Variants in STK38L observed in about 807,000 individuals in gnomAD.
STK38L encodes the protein serine/threonine-protein kinase 38-like.
In STK38L, 28 loss-of-function variants were observed where a neutral mutation model predicts 59.7. The observed-to-expected ratio is 0.47, with a 90% CI of 0.35 to 0.64. The LOEUF (loss-of-function observed/expected upper bound fraction) is 0.64. Among genes scored for constraint, STK38L ranks in the 30% least tolerant of loss-of-function variants. The pLI, the probability that STK38L is intolerant of heterozygous loss-of-function variation, is 0.01. For synonymous variants in STK38L, 162 were observed against 176.8 expected (o/e 0.92, Z 0.66); for missense variants, 314 against 555.8 (o/e 0.56, Z 4.37).
intron 12 of STK38L, among the ~76,000 whole-genome samples, chr12:27,320,837 A>C (rs1222809296): frequency 6.8e-6 from 1 of 146,424 alleles, no homozygotes; most frequent in Non-Finnish European, 1.5e-5. Context: ...GCTGGAGTGC[A>C]GTGGCGTGAT....
chr12:27,258,242 G>A (rs1291376362), intron 1 of STK38L, among the ~76,000 whole-genome samples: 5 of 152,162 alleles, frequency 3.3e-5, no homozygotes, highest in East Asian at 3.9e-4. Context: ...ACAGGATTTC[G>A]TTATATTGCC....
chr12:27,254,676 G>T (rs1373337732), intron 1 of STK38L, among the ~76,000 whole-genome samples: 1 of 152,156 alleles, frequency 6.6e-6, no homozygotes, highest in Non-Finnish European at 1.5e-5. Context: ...GCCAGCGGTT[G>T]GCAGCTGTTT....
chr12:27,309,217 T>G lies in STK38L; in HGVS notation c.393+20T>G, dbSNP rs1397286942. 3 of 1,561,678 alleles carry G rather than the reference T, an allele frequency of 1.9e-6. No homozygotes were observed. The highest frequency in any genetic ancestry group is 2.6e-6 in the Non-Finnish European group (3 of 1,147,578). ...GAGCAGGTATGAGTTCTTTAACACA[T>G]GTAATATAAAGGAGCATCCACTGAC... On this transcript the variant is annotated intron_variant, in intron 5 of 13. Transcript: ENST00000389032.
intron 1 of STK38L, among the ~76,000 whole-genome samples, chr12:27,277,104 A>T (rs543195818): frequency 1.3e-5 from 2 of 152,210 alleles, no homozygotes; most frequent in Non-Finnish European, 2.9e-5. Context: ...ATACAAAGCT[A>T]TAAAGTATGA....
intron 3 of STK38L, among the ~76,000 whole-genome samples, chr12:27,303,423 A>AGCTT (rs1394847848): frequency 6.6e-6 from 1 of 152,076 alleles, no homozygotes; most frequent in East Asian, 1.9e-4. Flanking sequence ...TAACCTCTCA[A>AGCTT]GGTACCTTCT....
At chr12:27,247,797 T>C (rs1452223579) in intron 1 of STK38L, among the ~76,000 whole-genome samples, 1 of 151,028 alleles carries the variant, frequency 6.6e-6, no homozygotes, top group Non-Finnish European at 1.5e-5. Context: ...AGCCACTGTG[T>C]TTGGCTTTGT....
chr12:27,295,148 GTTTA>G (rs1943985915), intron 1 of STK38L, among the ~76,000 whole-genome samples: 1 of 152,120 alleles, frequency 6.6e-6, no homozygotes, highest in Non-Finnish European at 1.5e-5. Context: ...TAATTCTTGA[GTTTA>G]TTTTTCATTA....
chr12:27,299,963 C>A (rs1428541868), intron 2 of STK38L, among the ~76,000 whole-genome samples: 1 of 152,000 alleles, frequency 6.6e-6, no homozygotes, highest in African/African-American at 2.4e-5. Context: ...AGTGATCAGA[C>A]CATCCTGGGA....
At chr12:27,275,682 C>T (rs974323510) in intron 1 of STK38L, among the ~76,000 whole-genome samples, 2 of 152,128 alleles carry the variant, frequency 1.3e-5, no homozygotes, top group African/African-American at 4.8e-5. Flanking sequence ...TGTCACTTAA[C>T]TTTGAATTCT....
chr12:27,289,164 CA>C (rs1318105836), intron 1 of STK38L, among the ~76,000 whole-genome samples: 2 of 152,004 alleles, frequency 1.3e-5, no homozygotes, highest in Admixed American at 6.6e-5. Flanking sequence ...AGCAATAGAA[CA>C]ATTAAATTTT....
intron 1 of STK38L, among the ~76,000 whole-genome samples, chr12:27,277,580 C>T (rs559889250): frequency 1.4e-3 from 219 of 152,226 alleles, no homozygotes; most frequent in Non-Finnish European, 2.9e-3. Context: ...GTAATGTTTT[C>T]TGGAATGACA....
chr12:27,267,971 T>C (rs1394097126), intron 1 of STK38L, among the ~76,000 whole-genome samples: 1 of 152,250 alleles, frequency 6.6e-6, no homozygotes, highest in Admixed American at 6.5e-5. Context: ...TCAAGATGCA[T>C]GTATATTGTT....
chr12:27,281,793 G>C (rs143898658), intron 1 of STK38L, among the ~76,000 whole-genome samples: 420 of 152,270 alleles, frequency 2.8e-3, no homozygotes, highest in Middle Eastern at 6.8e-3. Flanking sequence ...CCAGCACTTT[G>C]GGAGGCCGAG....
intron 1 of STK38L, among the ~76,000 whole-genome samples, chr12:27,262,709 T>TA (rs11350734): frequency 0.048 from 6,426 of 132,970 alleles, 467 homozygotes; most frequent in East Asian, 0.39. Flanking sequence ...TATCTCTAAT[T>TA]AAAAAAAAAA....
chr12:27,317,479 C>A, intron 10 of STK38L, 26 bp downstream of exon 10: 1 of 1,502,702 alleles, frequency 6.7e-7, no homozygotes. Flanking sequence ...CATTTATGTA[C>A]AAAATATATA....
chr12:27,260,146 CTT>C (rs1943175589), intron 1 of STK38L, among the ~76,000 whole-genome samples: 1 of 152,244 alleles, frequency 6.6e-6, no homozygotes, highest in African/African-American at 2.4e-5. Context: ...TTCTTTGTCT[CTT>C]TTTTTCATCT....
At chr12:27,249,932 G>A (rs766057051) in intron 1 of STK38L, among the ~76,000 whole-genome samples, 4 of 152,006 alleles carry the variant, frequency 2.6e-5, no homozygotes, top group Non-Finnish European at 5.9e-5. Context: ...CTGATTCCTG[G>A]GACACTTTTA....
chr12:27,274,098 C>T (rs1943481014), intron 1 of STK38L, among the ~76,000 whole-genome samples: 1 of 151,974 alleles, frequency 6.6e-6, no homozygotes, highest in Non-Finnish European at 1.5e-5. Context: ...ACTAAAAATA[C>T]AAAAATTAGC....
chr12:27,246,488 T>G (rs959511688), intron 1 of STK38L, among the ~76,000 whole-genome samples: 2 of 152,210 alleles, frequency 1.3e-5, no homozygotes, highest in African/African-American at 4.8e-5. Context: ...AGGATTACAT[T>G]AAAATCAGCA....
Sources: allele counts gnomAD v4.1 joint callset (sites outside exome capture counted in the v4.1 genomes callset), GRCh38; gene constraint gnomAD v4.1.1; transcripts MANE v1.5; gene names NCBI Gene and HGNC (gene_info 2026-07-23, HGNC 2026-07-21).